LAMA4: variants seen among roughly 807,000 people sequenced by gnomAD.
LAMA4 encodes laminin subunit alpha-4.
Under a neutral mutation model 207.1 loss-of-function variants are expected in LAMA4, and 127 were observed. The ratio of observed to expected loss-of-function variants is 0.61; its 90% confidence interval spans 0.53 to 0.71. The LOEUF (loss-of-function observed/expected upper bound fraction) is 0.71, where lower values mean the gene tolerates loss of function less well. LAMA4 is among the 30% of genes least tolerant of loss of function. LAMA4 has a pLI of 0.00. For synonymous variants in LAMA4, 761 were observed against 816.0 expected, an observed-to-expected ratio of 0.93 and a Z score of 1.15; for missense variants, 2,093 against 2,246.5, an observed-to-expected ratio of 0.93 and a Z score of 1.38.
chr6:112,125,818 G>C (rs782468256), intron 31 of LAMA4, among the ~76,000 whole-genome samples: 4 of 152,212 alleles, frequency 2.6e-5, no homozygotes, highest in African/African-American at 9.6e-5. Context: ...AGTGAATATA[G>C]TAAGTGAATA....
In LAMA4 at chr6:112,189,115, G is replaced by A. The variant is rs1554347645; in HGVS notation, c.809C>T (p.Thr270Ile). The change falls in exon 7 of 39, where the codon ACC becomes ATC. Residue 270 changes from threonine to isoleucine, a missense_variant. Thr to Ile is a moderately conservative substitution (Grantham distance 89). This residue lies in a region of LAMA4 where 1,704 missense variants were observed against 1,788.4 expected (regional missense o/e 0.95). Transcript: ENST00000230538. ...TCATGTACTGTTATTTTTACTTATGGTTGGGCAGTCCATGCCTGTAGGGGG... is the reference window on the plus strand; with the variant it reads ...TCATGTACTGTTATTTTTACTTATGATTGGGCAGTCCATGCCTGTAGGGGG... ...FEPPTGMDCP[T>I]ISCDKCVWDL... 6.2e-7 allele frequency: 1 copy of A among 1,608,406 alleles called. No homozygotes were observed. Among genetic ancestry groups the A allele is most frequent in the Non-Finnish European group, 8.5e-7 (1 of 1,174,900 alleles).
chr6:112,121,278 C>T (rs1778341741), intron 32 of LAMA4, among the ~76,000 whole-genome samples: 2 of 152,248 alleles, frequency 1.3e-5, no homozygotes, highest in African/African-American at 4.8e-5. Context: ...TTAAACAAAA[C>T]CTTCTAGAAA....
chr6:112,120,143 A>G lies in LAMA4; in HGVS notation c.4665+140T>C, dbSNP rs899173901. ...CTTCAAGACTTTTATAAGGAATACA[A>G]TTTTTTGAAATTGAATTCTGAGTGT... On this transcript the variant is annotated intron_variant, in intron 33 of 38. Coordinates refer to ENST00000230538, the MANE Select transcript of LAMA4 (RefSeq NM_001105206.3). 4.1e-5 allele frequency: 28 copies of G among 685,290 alleles called. No homozygotes were observed. In the African/African-American group the frequency reaches 4.3e-4, roughly 11 times the overall value. 42.5% of individuals were successfully genotyped at this position (685,290 alleles called of 1,614,324 possible). A position where few individuals can be genotyped will look rare whatever the true frequency, so the allele number is the denominator to read the frequency against.
rs782661284 is a variant in LAMA4 at position 112,129,948 on chromosome 6, T to C, written c.4061A>G (p.Tyr1354Cys). 2.5e-6 allele frequency: 4 copies of C among 1,613,200 alleles called. No homozygotes were observed. The East Asian group carries it at 8.9e-5, about 36-fold the overall frequency. Residue 1354 changes from tyrosine (Y) to cysteine (C), a missense_variant, in exon 30 of 39, where the codon TAC (tyrosine) becomes TGC (cysteine). Around this residue, in one of 3 missense-constraint regions of LAMA4, gnomAD observed 1,704 missense variants for 1,788.4 expected, o/e 0.95. Transcript: ENST00000230538. ...EQTQASEKKF[Y>C]FGGSPISAQY... ...AGCACTGATTGGTGAGCCACCGAAG[T>C]AAAACTTCTTTTCACTTGCTTGTGT...
chr6:112,206,945 G>T, intron 4 of LAMA4, 76 bp downstream of exon 4: 2 of 1,539,374 alleles, frequency 1.3e-6, no homozygotes, highest in South Asian at 1.1e-5. Flanking sequence ...TCTGGGATAA[G>T]GCAAAACAAA....
At chr6:112,221,055 A>G (rs1784896230) in intron 2 of LAMA4, among the ~76,000 whole-genome samples, 1 of 152,106 alleles carries the variant, frequency 6.6e-6, no homozygotes, top group Non-Finnish European at 1.5e-5. Flanking sequence ...TCTTCTAGGG[A>G]TCTAAGGTCC....
chr6:112,194,739 G>T (rs961299958), intron 5 of LAMA4, among the ~76,000 whole-genome samples: 1 of 152,108 alleles, frequency 6.6e-6, no homozygotes, highest in African/African-American at 2.4e-5. Context: ...GATTATAAAA[G>T]TGCCCAAGCC....
chr6:112,234,360 G>A (rs1172281759), intron 2 of LAMA4: 1 of 152,000 alleles, frequency 6.6e-6, no homozygotes. Context: ...TATGACAGTA[G>A]GTTTATGTCA....
chr6:112,144,864 G>T lies in LAMA4; in HGVS notation c.2423C>A (p.Ala808Glu). 1 of 1,614,036 alleles carries T rather than the reference G, an allele frequency of 6.2e-7. No homozygotes were observed. The highest frequency in any genetic ancestry group is 8.5e-7 in the Non-Finnish European group (1 of 1,180,004). The part of the protein sequence containing the change: ...QLRTVEQKRP[A>E]SNVSASIQRI... ...CTGGATGCTGGCAGAAACGTTGCTT[G>T]CAGGTCGCTTCTGCTCAACCGTACG... The change falls in exon 19 of 39, where the codon GCA becomes GAA. Residue 808 changes from alanine to glutamate, a missense_variant. Coordinates refer to ENST00000230538, the MANE Select transcript of LAMA4 (RefSeq NM_001105206.3).
At chr6:112,170,649 C>G (rs1486015936) in intron 12 of LAMA4, among the ~76,000 whole-genome samples, 2 of 152,164 alleles carry the variant, frequency 1.3e-5, no homozygotes, top group Non-Finnish European at 2.9e-5. Context: ...CCAGTTTTTA[C>G]TGAGTTGTTA....
chr6:112,219,911 AT>A (rs1156958730), intron 2 of LAMA4, among the ~76,000 whole-genome samples: 1 of 152,092 alleles, frequency 6.6e-6, no homozygotes, highest in East Asian at 1.9e-4. Flanking sequence ...TAGATCCTTC[AT>A]TTTTTCCCTC....
intron 3 of LAMA4, among the ~76,000 whole-genome samples, chr6:112,214,636 G>T (rs1487778101): frequency 6.6e-6 from 1 of 152,182 alleles, no homozygotes; most frequent in East Asian, 1.9e-4. Context: ...CCATCATTAA[G>T]ATGAATAAAA....
In LAMA4 at chr6:112,216,901, C is replaced by T. The variant is rs565964272; in HGVS notation, c.196-432G>A. The T allele has an allele frequency of 9.9e-4, 253 of 255,176 alleles. 2 individuals carry two copies. The highest frequency in any genetic ancestry group is 5.5e-3 in the African/African-American group (239 of 43,848). The allele number at this position is 255,176 out of a possible 1,614,324, so 15.8% of individuals were successfully genotyped here. ...GAAAGACTTCTCGTTTCAGCAATCACTAGCTATAGGAGAGCAACTTAGCTA... is the reference window on the plus strand; with the variant it reads ...GAAAGACTTCTCGTTTCAGCAATCATTAGCTATAGGAGAGCAACTTAGCTA... On this transcript the variant is annotated intron_variant, in intron 2 of 38. Coordinates refer to ENST00000230538, the MANE Select transcript of LAMA4 (RefSeq NM_001105206.3).
intron 2 of LAMA4, chr6:112,218,439 T>C (rs1784751479): frequency 6.6e-6 from 1 of 152,258 alleles, no homozygotes; most frequent in African/African-American, 2.4e-5. Flanking sequence ...ATGCCTTGTA[T>C]ATATTAATTG....
intron 5 of LAMA4, among the ~76,000 whole-genome samples, chr6:112,192,911 C>T (rs1416183890): frequency 1.3e-5 from 2 of 152,288 alleles, no homozygotes; most frequent in African/African-American, 4.8e-5. Context: ...CCTATGTTGC[C>T]ATATTTTATT....
At chr6:112,245,675 C>T (rs1786860638) in intron 2 of LAMA4, among the ~76,000 whole-genome samples, 1 of 150,716 alleles carries the variant, frequency 6.6e-6, no homozygotes, top group South Asian at 2.1e-4. Context: ...TCTGCAAAGA[C>T]TTGTGCTAAT....
At chr6:112,172,883 C>T in intron 11 of LAMA4, 79 bp from the exon 12 acceptor site, 1 of 1,172,586 alleles carries the variant, frequency 8.5e-7, no homozygotes, top group Non-Finnish European at 1.3e-6. Flanking sequence ...TGCAAAGTTG[C>T]AAAATTCTCA....
At position 112,187,223 on chromosome 6, in the gene LAMA4, C is replaced by A. The variant is rs370654766; in HGVS notation, c.966+227G>T. ...TTTAGTCATTTCATTTCCCATATAA[C>A]CTCTTTTGTAGACAGTAGTTCTTGT... On this transcript the variant is annotated intron_variant, in intron 8 of 38. Coordinates refer to ENST00000230538, the MANE Select transcript of LAMA4 (RefSeq NM_001105206.3). 5.2e-5 allele frequency: 33 copies of A among 632,696 alleles called. No individual in the cohort carries two copies. In the African/African-American group the frequency reaches 5.6e-4, roughly 11 times the overall value. 39.2% of individuals were successfully genotyped at this position (632,696 alleles called of 1,614,324 possible). A position where few individuals can be genotyped will look rare whatever the true frequency, so the allele number is the denominator to read the frequency against.
intron 27 of LAMA4, 75 bp downstream of exon 27, chr6:112,133,274 G>A (rs1347421739): frequency 2.8e-5 from 43 of 1,526,336 alleles, no homozygotes; most frequent in Non-Finnish European, 3.4e-5. Context: ...GAGAGAAGCT[G>A]AAAAGAACTT....
Sources: allele counts gnomAD v4.1 joint callset (sites outside exome capture counted in the v4.1 genomes callset), GRCh38; gene constraint gnomAD v4.1.1; regional missense constraint gnomAD v4.1.1; transcripts MANE v1.5; gene names NCBI Gene and HGNC (gene_info 2026-07-23, HGNC 2026-07-21).